The following UGT8 variants were observed in gnomAD, a reference collection of about 807,000 sequenced individuals.
UGT8 encodes UDP glycosyltransferase 8, also known as 2-hydroxyacylsphingosine 1-beta-galactosyltransferase.
A neutral mutation model predicts 40.5 loss-of-function variants in UGT8; 12 were observed. The ratio of observed to expected loss-of-function variants is 0.30; its 90% CI spans 0.19 to 0.48. The LOEUF (loss-of-function observed/expected upper bound fraction) is 0.48. Among genes scored for constraint, UGT8 ranks in the 20% least tolerant of loss-of-function variants. The probability of loss-of-function intolerance (pLI) is 0.99; values close to 1 mark genes in which losing one functional copy is unlikely to be tolerated. For missense variants in UGT8, 513 were observed against 648.7 expected (o/e 0.79, Z 2.27); for synonymous variants, 224 against 240.4 (o/e 0.93, Z 0.63).
chr4:114,636,638 C>T (rs1253607306), intron 2 of UGT8, among the ~76,000 whole-genome samples: 1 of 152,116 alleles, frequency 6.6e-6, no homozygotes, highest in Non-Finnish European at 1.5e-5. Flanking sequence ...AATTAAGTTT[C>T]TATTTAGCCT....
intron 2 of UGT8, among the ~76,000 whole-genome samples, chr4:114,636,536 A>G (rs535631246): frequency 1.8e-4 from 28 of 152,238 alleles, no homozygotes; most frequent in African/African-American, 6.5e-4. Flanking sequence ...GGCAATATTT[A>G]ACAAAATGTT....
intron 2 of UGT8, among the ~76,000 whole-genome samples, chr4:114,629,511 T>C (rs1434133264): frequency 2.0e-5 from 3 of 152,250 alleles, no homozygotes; most frequent in Non-Finnish European, 4.4e-5. Context: ...AACTCATTAA[T>C]GTAAAATGTT....
intron 1 of UGT8, among the ~76,000 whole-genome samples, chr4:114,602,271 T>C (rs557525748): frequency 4.9e-4 from 75 of 152,336 alleles, no homozygotes; most frequent in African/African-American, 1.6e-3. Flanking sequence ...ATTTTACATA[T>C]TACTTTCTGC....
At chr4:114,616,712 G>T (rs1342976905) in intron 1 of UGT8, among the ~76,000 whole-genome samples, 1 of 152,154 alleles carries the variant, frequency 6.6e-6, no homozygotes, top group Admixed American at 6.5e-5. Flanking sequence ...GCTGTAGGCT[G>T]GAGCTGTTCC....
chr4:114,673,183 AT>A (rs1560713184), intron 5 of UGT8, among the ~76,000 whole-genome samples: 3 of 151,882 alleles, frequency 2.0e-5, no homozygotes, highest in South Asian at 2.1e-4. Context: ...TAATCACACT[AT>A]TTTTTTGCAA....
At chr4:114,621,352 A>T (rs1731777979) in intron 1 of UGT8, among the ~76,000 whole-genome samples, 1 of 152,212 alleles carries the variant, frequency 6.6e-6, no homozygotes. Flanking sequence ...TAATGCCCTG[A>T]AATGCATCAG....
rs1167419608 is a variant in UGT8, at chr4:114,664,089, A to T, written c.917A>T (p.Asn306Ile). ...GVKYLSEDIA[N>I]KLAGALGRLP... ...AAGTATCTGTCAGAAGACATTGCTA[A>T]CAAACTGGCAGGAGCTCTGGGGAGA... The change falls in exon 3 of 6, where the codon AAC becomes ATC. Residue 306 changes from asparagine (N) to isoleucine (I), a missense_variant. Asn to Ile is a moderately radical substitution (Grantham distance 149, BLOSUM62 -3). Around this residue, in one of 3 missense-constraint regions of UGT8, gnomAD observed 335 missense variants for 444.8 expected, o/e 0.75. Transcript: ENST00000310836. The T allele has an allele frequency of 6.2e-7, 1 of 1,614,086 alleles. No individual in the cohort carries two copies. The highest frequency in any genetic ancestry group is 8.5e-7 in the Non-Finnish European group (1 of 1,179,966).
chr4:114,605,220 G>A (rs558391548), intron 1 of UGT8, among the ~76,000 whole-genome samples: 5 of 152,108 alleles, frequency 3.3e-5, no homozygotes, highest in East Asian at 1.9e-4. Context: ...AGGTCAGTTC[G>A]TATTCTCTGG....
intron 3 of UGT8, among the ~76,000 whole-genome samples, chr4:114,665,161 A>C (rs1194117630): frequency 6.6e-6 from 1 of 152,206 alleles, no homozygotes; most frequent in African/African-American, 2.4e-5. Flanking sequence ...TCAGGCAGGA[A>C]ACAACCTAAT....
chr4:114,630,327 G>C (rs1312027477), intron 2 of UGT8, among the ~76,000 whole-genome samples: 1 of 152,186 alleles, frequency 6.6e-6, no homozygotes, highest in Non-Finnish European at 1.5e-5. Flanking sequence ...TTTGGTTAAA[G>C]GAATCAGCCT....
In UGT8 at chr4:114,668,309, G is replaced by T; in HGVS notation, c.1262+5G>T. 3 of 1,612,492 alleles carry T rather than the reference G, an allele frequency of 1.9e-6. No individual in the cohort carries two copies. The highest frequency in any genetic ancestry group is 2.5e-6 in the Non-Finnish European group (3 of 1,178,866). On this transcript the variant is annotated splice_donor_5th_base_variant and intron_variant, in intron 5 of 5. Transcript: ENST00000310836. ...GAAGGTTATCAATAATCCCAGGTAA[G>T]GTTTCAATTAACATTAAAGCTGATG... is the stretch of plus-strand genomic sequence containing the variant.
At chr4:114,611,772 T>A (rs1056897975) in intron 1 of UGT8, among the ~76,000 whole-genome samples, 1 of 151,972 alleles carries the variant, frequency 6.6e-6, no homozygotes, top group Non-Finnish European at 1.5e-5. Flanking sequence ...CTGTTTTCTT[T>A]ATTAAAAAGG....
chr4:114,599,029 G>C (rs1730268500), intron 1 of UGT8, 55 bp downstream of exon 1: 1 of 150,112 alleles, frequency 6.7e-6, no homozygotes, highest in East Asian at 2.0e-4. Context: ...GGTCTGGGTG[G>C]AGGAGAGGGG....
intron 3 of UGT8, chr4:114,665,320 T>C (rs12513280): frequency 0.95 from 897,912 of 941,392 alleles, 431,485 homozygotes; most frequent in East Asian, 1. Context: ...CTCTCCCTGC[T>C]CCTTCTTGTT....
At chr4:114,644,766 A>G (rs1020612112) in intron 2 of UGT8, among the ~76,000 whole-genome samples, 3 of 152,148 alleles carry the variant, frequency 2.0e-5, no homozygotes, top group African/African-American at 4.8e-5. Context: ...GTTAATGCTT[A>G]TTGAGTGCCT....
chr4:114,659,578 T>C (rs1039275739), intron 2 of UGT8, among the ~76,000 whole-genome samples: 39 of 152,184 alleles, frequency 2.6e-4, no homozygotes, highest in African/African-American at 7.2e-4. Flanking sequence ...GCTCCATTCC[T>C]GTCCTGCCAT....
At chr4:114,602,107 G>T (rs562644094) in intron 1 of UGT8, among the ~76,000 whole-genome samples, 1 of 152,062 alleles carries the variant, frequency 6.6e-6, no homozygotes, top group Admixed American at 6.5e-5. Flanking sequence ...AAAAATTTGT[G>T]TATGAGATCT....
At chr4:114,665,849 G>C (rs189223158) in intron 4 of UGT8, 93 bp downstream of exon 4, 9 of 925,834 alleles carry the variant, frequency 9.7e-6, no homozygotes, top group Non-Finnish European at 1.5e-5. Flanking sequence ...AGGTTCATAC[G>C]GTATACGGTA....
chr4:114,611,748 A>C (rs1308139081), intron 1 of UGT8, among the ~76,000 whole-genome samples: 2 of 151,744 alleles, frequency 1.3e-5, no homozygotes, highest in Non-Finnish European at 2.9e-5. Flanking sequence ...ATCAAGACGA[A>C]AGTTTTAATA....
Sources: allele counts gnomAD v4.1 joint callset (sites outside exome capture counted in the v4.1 genomes callset), GRCh38; gene constraint gnomAD v4.1.1; regional missense constraint gnomAD v4.1.1; transcripts MANE v1.5; gene names NCBI Gene and HGNC (gene_info 2026-07-23, HGNC 2026-07-21).